FRMPD4: variants seen among roughly 807,000 people sequenced by gnomAD.
The protein encoded by FRMPD4 is FERM and PDZ domain containing 4, also known as FERM and PDZ domain-containing protein 4.
A neutral mutation model predicts 94.1 loss-of-function variants in FRMPD4; 22 were observed. The observed-to-expected ratio is 0.23, with a 90% CI of 0.17 to 0.33. The LOEUF is 0.33. FRMPD4 is among the 10% of genes least tolerant of loss of function. The probability of loss-of-function intolerance (pLI) is 1.00; values close to 1 mark genes in which losing one functional copy is unlikely to be tolerated. For synonymous variants in FRMPD4, 631 were observed against 548.6 expected (o/e 1.15, Z -2.10); for missense variants, 1,111 against 1,339.9 (o/e 0.83, Z 2.67).
intron 4 of FRMPD4, among the ~76,000 whole-genome samples, chrX:12,649,891 C>A (rs1035565781): frequency 1.9e-4 from 21 of 112,511 alleles, no homozygotes; most frequent in Admixed American, 2.8e-4. Context: ...CCCCAGGTAC[C>A]CAAGCAACCT....
chrX:11,865,925 A>T (rs1007971216), intron 2 of FRMPD4, among the ~76,000 whole-genome samples: 4 of 112,072 alleles, frequency 3.6e-5, no homozygotes, highest in Admixed American at 2.8e-4. Flanking sequence ...AGAATTTGCA[A>T]GTAGGTACAG....
At chrX:12,298,899 A>G (rs1025357970) in intron 1 of FRMPD4, among the ~76,000 whole-genome samples, 1 of 112,216 alleles carries the variant, frequency 8.9e-6, no homozygotes, top group Non-Finnish European at 1.9e-5. Context: ...TCAAAGCCAG[A>G]TGGGCGATAG....
At chrX:11,869,436 C>T (rs2147304155) in intron 2 of FRMPD4, among the ~76,000 whole-genome samples, 1 of 111,471 alleles carries the variant, frequency 9.0e-6, no homozygotes, top group South Asian at 3.8e-4. Flanking sequence ...TTCAAAATAA[C>T]TAAGGGAGTA....
At chrX:11,921,134 A>T (rs2054053585) in intron 3 of FRMPD4, among the ~76,000 whole-genome samples, 1 of 112,280 alleles carries the variant, frequency 8.9e-6, no homozygotes, top group Admixed American at 9.4e-5. Context: ...GTATTAGTCA[A>T]CTTGGGCTGT....
chrX:12,480,959 G>T (rs2057673696), intron 1 of FRMPD4, among the ~76,000 whole-genome samples: 1 of 111,798 alleles, frequency 8.9e-6, no homozygotes, highest in Non-Finnish European at 1.9e-5. Context: ...TCTACCAGAA[G>T]CATCTTGAGA....
chrX:12,062,589 A>T (rs1231956209), intron 3 of FRMPD4, among the ~76,000 whole-genome samples: 1 of 111,467 alleles, frequency 9.0e-6, no homozygotes, highest in East Asian at 2.8e-4. Context: ...TCCAAGACTC[A>T]AGTCATTCTC....
chrX:12,039,223 ATT>A (rs200355334), intron 3 of FRMPD4, among the ~76,000 whole-genome samples: 64 of 104,765 alleles, frequency 6.1e-4, no homozygotes, highest in African/African-American at 2.1e-3. Flanking sequence ...ATTTATTTTT[ATT>A]TTTTTTTTGA....
chrX:12,537,485 C>T (rs1354039717), intron 2 of FRMPD4, among the ~76,000 whole-genome samples: 1 of 104,314 alleles, frequency 9.6e-6, no homozygotes, highest in Non-Finnish European at 2.0e-5. Flanking sequence ...CAGAGTCTCC[C>T]CTTGTTGCCC....
At chrX:12,516,899 CTT>C (rs35098575) in intron 2 of FRMPD4, among the ~76,000 whole-genome samples, 745 of 68,389 alleles carry the variant, frequency 0.011, 7 homozygotes, top group African/African-American at 0.027. Context: ...CCTTTTCGTT[CTT>C]TTTTTTTTTT....
chrX:12,364,689 G>A (rs2056047807), intron 1 of FRMPD4, among the ~76,000 whole-genome samples: 1 of 111,539 alleles, frequency 9.0e-6, no homozygotes, highest in Admixed American at 9.5e-5. Flanking sequence ...TCTAAAGCAA[G>A]ATGTGTCAGG....
chrX:12,033,126 G>A (rs1336763972), intron 3 of FRMPD4, among the ~76,000 whole-genome samples: 1 of 112,071 alleles, frequency 8.9e-6, no homozygotes, highest in Non-Finnish European at 1.9e-5. Flanking sequence ...TGTAAGTGGT[G>A]TCAATTTAGC....
intron 1 of FRMPD4, among the ~76,000 whole-genome samples, chrX:12,171,523 G>A (rs995227744): frequency 9.0e-5 from 10 of 111,260 alleles, no homozygotes; most frequent in African/African-American, 3.3e-4. Context: ...AGAGCTTGGG[G>A]TATGTGCTTC....
intron 3 of FRMPD4, among the ~76,000 whole-genome samples, chrX:12,038,473 G>T (rs1050037684): frequency 8.9e-6 from 1 of 112,139 alleles, no homozygotes; most frequent in African/African-American, 3.2e-5. Context: ...TTTTCTCCCA[G>T]TTCTGTGGAG....
intron 1 of FRMPD4, among the ~76,000 whole-genome samples, chrX:12,219,251 C>T (rs767938498): frequency 3.6e-5 from 4 of 111,417 alleles, no homozygotes; most frequent in African/African-American, 1.3e-4. Context: ...CACCTGTATT[C>T]CCAGTTACTC....
At chrX:12,454,815 G>GTTT (rs11443822) in intron 1 of FRMPD4, among the ~76,000 whole-genome samples, 2,437 of 92,452 alleles carry the variant, frequency 0.026, 48 homozygotes, top group Non-Finnish European at 0.039. Context: ...AGAAAGCCAC[G>GTTT]TTTTTTTTTT....
At chrX:12,509,517 A>G (rs769059237) in intron 2 of FRMPD4, among the ~76,000 whole-genome samples, 2 of 111,999 alleles carry the variant, frequency 1.8e-5, no homozygotes, top group Non-Finnish European at 3.8e-5. Context: ...TCTCACTCAT[A>G]AGTGGGAGCT....
intron 1 of FRMPD4, among the ~76,000 whole-genome samples, chrX:12,307,603 A>G (rs1243261901): frequency 8.9e-6 from 1 of 111,887 alleles, no homozygotes; most frequent in Non-Finnish European, 1.9e-5. Context: ...AAGAAGCCTA[A>G]AGGGCCTTCT....
intron 2 of FRMPD4, among the ~76,000 whole-genome samples, chrX:12,510,514 C>T (rs1037432088): frequency 3.6e-5 from 4 of 111,537 alleles, no homozygotes; most frequent in African/African-American, 9.8e-5. Context: ...AGCAAGATGG[C>T]GGACTAGGAA....
At position 12,701,736 on chromosome X, in the gene FRMPD4, G is replaced by C. The variant is rs1229307901; in HGVS notation, c.934-138G>C. Reference sequence around the variant, plus strand: ...TGACTCGTTTCCAAGCAGCACGGTGGAGATGTTTCCACATTTAGCCTCCTT... The same window carrying C: ...TGACTCGTTTCCAAGCAGCACGGTGCAGATGTTTCCACATTTAGCCTCCTT... On this transcript the variant is annotated intron_variant, in intron 9 of 16. Transcript: ENST00000675598. 1.1e-5 allele frequency: 6 copies of C among 569,410 alleles called. No individual in the cohort carries two copies. The African/African-American group carries it at 1.4e-4, about 13-fold the overall frequency. 46.9% of individuals were successfully genotyped at this position (569,410 alleles called of 1,213,427 possible). A position where few individuals can be genotyped will look rare whatever the true frequency, so the allele number is the denominator to read the frequency against.
Sources: allele counts gnomAD v4.1 joint callset (sites outside exome capture counted in the v4.1 genomes callset), GRCh38; gene constraint gnomAD v4.1.1; transcripts MANE v1.5; gene names NCBI Gene and HGNC (gene_info 2026-07-23, HGNC 2026-07-21).